Variants in ARHGAP15 observed in about 807,000 individuals in gnomAD.
The protein encoded by ARHGAP15 is rho GTPase-activating protein 15.
Under a neutral mutation model 63.7 loss-of-function variants are expected in ARHGAP15, and 51 were observed. The ratio of observed to expected loss-of-function variants is 0.80; its 90% confidence interval spans 0.64 to 1.01. ARHGAP15 has a LOEUF of 1.01. Ranked by LOEUF, ARHGAP15 falls within the 50% of genes least tolerant of loss-of-function variation. The pLI is 0.00. For missense variants in ARHGAP15, 560 were observed against 564.6 expected, an observed-to-expected ratio of 0.99 and a Z score of 0.08; for synonymous variants, 191 against 193.8, an observed-to-expected ratio of 0.99 and a Z score of 0.12.
At chr2:143,186,917 A>T (rs1691472197) in intron 2 of ARHGAP15, among the ~76,000 whole-genome samples, 2 of 152,202 alleles carry the variant, frequency 1.3e-5, no homozygotes, top group Admixed American at 1.3e-4. Flanking sequence ...CTATTTTGGC[A>T]GCTTCCCTTG....
intron 6 of ARHGAP15, among the ~76,000 whole-genome samples, chr2:143,325,182 C>G (rs1055778047): frequency 3.9e-5 from 6 of 152,070 alleles, no homozygotes; most frequent in Admixed American, 3.9e-4. Context: ...TACTGTATTT[C>G]CCTAGCTGTG....
intron 8 of ARHGAP15, among the ~76,000 whole-genome samples, chr2:143,482,128 T>C (rs1471792224): frequency 6.6e-6 from 1 of 152,224 alleles, no homozygotes; most frequent in Admixed American, 6.5e-5. Flanking sequence ...TTAATGTTTA[T>C]GGAGGTAAAA....
intron 4 of ARHGAP15, among the ~76,000 whole-genome samples, chr2:143,219,659 G>A (rs1178489922): frequency 6.6e-6 from 1 of 152,166 alleles, no homozygotes; most frequent in Non-Finnish European, 1.5e-5. Context: ...TCCTGAATGA[G>A]TGCACCAATT....
At chr2:143,559,821 A>T (rs1421456948) in intron 11 of ARHGAP15, among the ~76,000 whole-genome samples, 1 of 152,238 alleles carries the variant, frequency 6.6e-6, no homozygotes, top group African/African-American at 2.4e-5. Flanking sequence ...TGAAAAGCAT[A>T]AAGTGCTATG....
At chr2:143,490,773 C>T (rs1468037361) in intron 9 of ARHGAP15, among the ~76,000 whole-genome samples, 1 of 152,092 alleles carries the variant, frequency 6.6e-6, no homozygotes, top group Non-Finnish European at 1.5e-5. Context: ...GCATGCACCA[C>T]CATGCCCCAC....
intron 6 of ARHGAP15, among the ~76,000 whole-genome samples, chr2:143,411,209 AC>A (rs1688429784): frequency 6.8e-6 from 1 of 146,394 alleles, no homozygotes; most frequent in African/African-American, 2.5e-5. Flanking sequence ...TCTCAAAAAA[AC>A]AAAAGAAGAA....
At chr2:143,470,596 C>T (rs1241692090) in intron 8 of ARHGAP15, among the ~76,000 whole-genome samples, 1 of 146,868 alleles carries the variant, frequency 6.8e-6, no homozygotes, top group Non-Finnish European at 1.5e-5. Flanking sequence ...TATATATATG[C>T]ATGTGTGTGT....
intron 6 of ARHGAP15, among the ~76,000 whole-genome samples, chr2:143,353,165 G>A (rs972932981): frequency 6.6e-6 from 1 of 152,112 alleles, no homozygotes. Context: ...GGTGGCACAT[G>A]TTTGTAGTTC....
chr2:143,193,260 C>CAGCCA (rs2105094430), intron 2 of ARHGAP15: 1 of 152,784 alleles, frequency 6.5e-6, no homozygotes, highest in East Asian at 1.9e-4. Flanking sequence ...GGCAAGAATC[C>CAGCCA]AGCCAACTTG....
chr2:143,652,396 C>A (rs1681214986), intron 12 of ARHGAP15, among the ~76,000 whole-genome samples: 2 of 152,034 alleles, frequency 1.3e-5, no homozygotes, highest in Admixed American at 6.6e-5. Flanking sequence ...TCATAGTTTG[C>A]TGGCATTTGT....
At chr2:143,497,427 C>T (rs191337208) in intron 9 of ARHGAP15, among the ~76,000 whole-genome samples, 1 of 152,256 alleles carries the variant, frequency 6.6e-6, no homozygotes, top group Admixed American at 6.5e-5. Flanking sequence ...ATGCAGGGCC[C>T]TTGTCAGTGT....
At chr2:143,175,626 C>A (rs761524667) in intron 2 of ARHGAP15, among the ~76,000 whole-genome samples, 1 of 152,182 alleles carries the variant, frequency 6.6e-6, no homozygotes, top group Non-Finnish European at 1.5e-5. Flanking sequence ...ATACTCACCA[C>A]TCTCATTCTC....
intron 6 of ARHGAP15, among the ~76,000 whole-genome samples, chr2:143,285,309 A>C (rs1203213685): frequency 6.6e-6 from 1 of 152,156 alleles, no homozygotes; most frequent in Non-Finnish European, 1.5e-5. Context: ...ATAAACATAA[A>C]GGAAATGCAA....
chr2:143,633,797 A>G (rs964091103), intron 12 of ARHGAP15, among the ~76,000 whole-genome samples: 1 of 152,096 alleles, frequency 6.6e-6, no homozygotes, highest in Non-Finnish European at 1.5e-5. Flanking sequence ...ATTGTAATAA[A>G]ACTGAAGGTT....
intron 6 of ARHGAP15, among the ~76,000 whole-genome samples, chr2:143,333,341 C>T (rs960068380): frequency 4.6e-5 from 7 of 152,162 alleles, no homozygotes; most frequent in Non-Finnish European, 5.9e-5. Flanking sequence ...CGTCGGTGAA[C>T]TTTATCAAAT....
intron 6 of ARHGAP15, among the ~76,000 whole-genome samples, chr2:143,433,000 A>G (rs1689454440): frequency 6.6e-6 from 1 of 152,042 alleles, no homozygotes; most frequent in African/African-American, 2.4e-5. Context: ...GCTTAATATC[A>G]AAGCCTTTAT....
chr2:143,130,002 C>T (rs1029293078), intron 1 of ARHGAP15, among the ~76,000 whole-genome samples: 2 of 152,038 alleles, frequency 1.3e-5, no homozygotes, highest in African/African-American at 4.8e-5. Flanking sequence ...TAAAGGAATA[C>T]TGTCTATCAT....
At chr2:143,319,727 A>G (rs537752593) in intron 6 of ARHGAP15, among the ~76,000 whole-genome samples, 4 of 152,274 alleles carry the variant, frequency 2.6e-5, no homozygotes, top group Non-Finnish European at 1.5e-5. Flanking sequence ...TATCTTCCTA[A>G]TTGGATTAGA....
At chr2:143,327,430 T>C (rs1327589178) in intron 6 of ARHGAP15, among the ~76,000 whole-genome samples, 2 of 152,122 alleles carry the variant, frequency 1.3e-5, no homozygotes, top group Non-Finnish European at 2.9e-5. Context: ...AAAGAGCCTG[T>C]ATAGCCAAGA....
Sources: gnomAD v4.1 joint callset for allele counts (sites outside exome capture counted in the v4.1 genomes callset) on GRCh38, gnomAD v4.1.1 for gene constraint, MANE v1.5 for transcripts, NCBI Gene and HGNC (gene_info 2026-07-23, HGNC 2026-07-21) for gene names.